The following RAD51B variants were observed in gnomAD, a reference collection of about 807,000 sequenced individuals.
RAD51B encodes RAD51 paralog B.
A neutral mutation model predicts 42.2 loss-of-function variants in RAD51B; 38 were observed. That is an observed-to-expected ratio of 0.90 (90% CI 0.70 to 1.18). The LOEUF (loss-of-function observed/expected upper bound fraction) is 1.18. RAD51B is among the 50% of genes most tolerant of loss of function. The pLI, the probability that RAD51B is intolerant of heterozygous loss-of-function variation, is 0.00. For synonymous variants in RAD51B, 154 were observed against 145.2 expected (o/e 1.06, Z -0.43); for missense variants, 373 against 400.7 (o/e 0.93, Z 0.59).
At chr14:67,924,764 C>T (rs1223179074) in intron 7 of RAD51B, among the ~76,000 whole-genome samples, 1 of 152,126 alleles carries the variant, frequency 6.6e-6, no homozygotes, top group East Asian at 1.9e-4. Context: ...CTGTATCATT[C>T]CACCCCTGGA....
chr14:68,672,445 C>A (rs959966867), intron 11 of RAD51B, among the ~76,000 whole-genome samples: 1 of 152,172 alleles, frequency 6.6e-6, no homozygotes, highest in African/African-American at 2.4e-5. Flanking sequence ...GGTAAAGGAG[C>A]TGGGGTTTGG....
chr14:67,982,548 G>A (rs570183824), intron 7 of RAD51B, among the ~76,000 whole-genome samples: 1 of 152,174 alleles, frequency 6.6e-6, no homozygotes, highest in Non-Finnish European at 1.5e-5. Context: ...ATTACACCTT[G>A]ACCATCCAAT....
At chr14:67,835,730 T>A (rs2041220808) in intron 4 of RAD51B, among the ~76,000 whole-genome samples, 1 of 151,630 alleles carries the variant, frequency 6.6e-6, no homozygotes, top group African/African-American at 2.4e-5. Flanking sequence ...TAGCCATATG[T>A]GGTGGTGCAT....
At chr14:68,357,075 A>G (rs1436536548) in intron 8 of RAD51B, among the ~76,000 whole-genome samples, 1 of 151,686 alleles carries the variant, frequency 6.6e-6, no homozygotes, top group Admixed American at 6.6e-5. Context: ...ATGCTGTTTG[A>G]TAACATTTTA....
intron 7 of RAD51B, among the ~76,000 whole-genome samples, chr14:68,000,522 T>C (rs2075462329): frequency 6.6e-6 from 1 of 152,190 alleles, no homozygotes; most frequent in Non-Finnish European, 1.5e-5. Context: ...AAGTATTTTA[T>C]TTCATTGAGG....
At chr14:68,069,237 A>G (rs1298078646) in intron 7 of RAD51B, among the ~76,000 whole-genome samples, 1 of 152,088 alleles carries the variant, frequency 6.6e-6, no homozygotes. Context: ...AGGCCTCTGT[A>G]TATTTAGAGG....
chr14:67,830,424 CAG>C (rs2040996595), intron 3 of RAD51B, among the ~76,000 whole-genome samples: 1 of 151,754 alleles, frequency 6.6e-6, no homozygotes, highest in Non-Finnish European at 1.5e-5. Context: ...TTTTTTGAGA[CAG>C]AGTCTCGCAC....
chr14:68,170,550 T>C (rs2078851546), intron 7 of RAD51B, among the ~76,000 whole-genome samples: 1 of 152,248 alleles, frequency 6.6e-6, no homozygotes, highest in Non-Finnish European at 1.5e-5. Context: ...AACCACACCC[T>C]GAAATGACTA....
At chr14:68,244,500 TTG>T (rs2080454852) in intron 7 of RAD51B, among the ~76,000 whole-genome samples, 1 of 152,226 alleles carries the variant, frequency 6.6e-6, no homozygotes, top group African/African-American at 2.4e-5. Flanking sequence ...GATAGGCTGC[TTG>T]TGTTCAGTGA....
chr14:68,570,360 AG>A (rs1251243860), intron 10 of RAD51B, among the ~76,000 whole-genome samples: 1 of 152,220 alleles, frequency 6.6e-6, no homozygotes, highest in African/African-American at 2.4e-5. Context: ...CAAGGTTAGA[AG>A]GCCTGAGATC....
At chr14:67,845,303 CA>C (rs2041574690) in intron 4 of RAD51B, among the ~76,000 whole-genome samples, 1 of 152,144 alleles carries the variant, frequency 6.6e-6, no homozygotes, top group South Asian at 2.1e-4. Context: ...CTAATGGTAA[CA>C]AATTCCCTTA....
chr14:68,259,282 C>T (rs1205627361), intron 7 of RAD51B, among the ~76,000 whole-genome samples: 2 of 143,756 alleles, frequency 1.4e-5, no homozygotes, highest in Non-Finnish European at 3.0e-5. Flanking sequence ...AGGGGAACAT[C>T]ACACACCGGG....
chr14:68,588,107 CAT>C (rs942979424), intron 10 of RAD51B, among the ~76,000 whole-genome samples: 24 of 152,284 alleles, frequency 1.6e-4, no homozygotes, highest in African/African-American at 5.8e-4. Flanking sequence ...CAGGAAAGAA[CAT>C]ATGGGTGCGT....
At chr14:67,919,862 C>T (rs1201536261) in intron 7 of RAD51B, among the ~76,000 whole-genome samples, 1 of 152,190 alleles carries the variant, frequency 6.6e-6, no homozygotes, top group African/African-American at 2.4e-5. Context: ...GTATTTAGCT[C>T]CTTTGAGCAT....
At chr14:67,881,823 C>G (rs1000073169) in intron 5 of RAD51B, among the ~76,000 whole-genome samples, 1 of 152,168 alleles carries the variant, frequency 6.6e-6, no homozygotes, top group South Asian at 2.1e-4. Context: ...AAGTGGAAAT[C>G]CCTTCTTTCA....
intron 10 of RAD51B, among the ~76,000 whole-genome samples, chr14:68,584,321 A>G (rs1594998272): frequency 1.3e-5 from 2 of 152,284 alleles, no homozygotes; most frequent in Admixed American, 1.3e-4. Flanking sequence ...ACATAAGCCA[A>G]TGGCTGAGGG....
chr14:68,349,219 A>T (rs2082733932), intron 8 of RAD51B, among the ~76,000 whole-genome samples: 1 of 152,140 alleles, frequency 6.6e-6, no homozygotes, highest in Non-Finnish European at 1.5e-5. Context: ...ACCTCATTTG[A>T]CATATAGGCC....
In RAD51B at chr14:68,413,183, A is replaced by G. The variant is rs561546295; in HGVS notation, c.957+1656A>G. Reference sequence around the variant, plus strand: ...ATTTTTACTTTTCTTTTGTTTTAATAAATTAACCAGTCAGTGTCAACAGGA... The same window carrying G: ...ATTTTTACTTTTCTTTTGTTTTAATGAATTAACCAGTCAGTGTCAACAGGA... On this transcript the variant is annotated intron_variant, in intron 9 of 10. Transcript: ENST00000471583. Among the ~76,000 whole-genome samples the G allele has an allele frequency of 5.1e-4, 78 of 152,340 alleles. No homozygotes were observed. The South Asian group carries it at 0.016, about 31-fold the overall frequency.
chr14:67,836,627 C>T (rs1337286296), intron 4 of RAD51B, among the ~76,000 whole-genome samples: 1 of 151,786 alleles, frequency 6.6e-6, no homozygotes, highest in African/African-American at 2.4e-5. Flanking sequence ...CCATGCCTGG[C>T]TAATTTTTTG....
Sources: gnomAD v4.1 joint callset for allele counts (sites outside exome capture counted in the v4.1 genomes callset) on GRCh38, gnomAD v4.1.1 for gene constraint, MANE v1.5 for transcripts, NCBI Gene and HGNC (gene_info 2026-07-23, HGNC 2026-07-21) for gene names.